The following NELFE variants were observed in gnomAD, a reference collection of about 807,000 sequenced individuals.
NELFE encodes the protein negative elongation factor complex member E.
In NELFE, 26 loss-of-function variants were observed where a neutral mutation model predicts 55.5. The observed-to-expected ratio is 0.47, with a 90% CI of 0.34 to 0.65. The LOEUF (loss-of-function observed/expected upper bound fraction) is 0.65, where lower values mean the gene tolerates loss of function less well. Ranked by LOEUF, NELFE falls within the 30% of genes least tolerant of loss-of-function variation. The pLI, the probability that NELFE is intolerant of heterozygous loss-of-function variation, is 0.01. For synonymous variants in NELFE, 162 were observed against 178.0 expected (o/e 0.91, Z 0.72); for missense variants, 403 against 506.9 (o/e 0.80, Z 1.97).
intron 4 of NELFE, among the ~76,000 whole-genome samples, chr6:31,956,194 G>A (rs917694632): frequency 6.6e-6 from 1 of 152,214 alleles, no homozygotes; most frequent in African/African-American, 2.4e-5. Flanking sequence ...CTCCCAAAGT[G>A]CTGGGATTAC....
Position 31,954,202 on chromosome 6 carries a change from A to G in NELFE, c.888-68T>C. On this transcript the variant is annotated intron_variant, in intron 8 of 10. Coordinates refer to ENST00000375429, the MANE Select transcript of NELFE (RefSeq NM_002904.6). The surrounding 1 kb of genome is among the most constrained non-coding windows in gnomAD (Gnocchi z 5.5). Reference sequence around the variant, plus strand: ...CTTCTGGACCCAACCAAACCCAGTGATAATAGGCGGCTGCAGGGAGGGCAG... The same window carrying G: ...CTTCTGGACCCAACCAAACCCAGTGGTAATAGGCGGCTGCAGGGAGGGCAG... 6.2e-7 allele frequency: 1 copy of G among 1,610,782 alleles called. No individual in the cohort carries two copies. Among genetic ancestry groups the G allele is most frequent in the Non-Finnish European group, 8.5e-7 (1 of 1,177,208 alleles).
rs1582159561 is a variant in NELFE, at chr6:31,958,352, G to A, written c.75+20C>T. The A allele has an allele frequency of 1.2e-6, 2 of 1,609,042 alleles. No homozygotes were observed. The highest frequency in any genetic ancestry group is 1.7e-6 in the Non-Finnish European group (2 of 1,176,338). ...CAGAGTCTGTGAAAGGTTAGGCCAT[G>A]TCCACACACAGTCCCTCACCTTTTT... On this transcript the variant is annotated intron_variant, in intron 2 of 10. Coordinates refer to ENST00000375429, the MANE Select transcript of NELFE (RefSeq NM_002904.6).
At chr6:31,956,560 T>C in intron 4 of NELFE, 133 bp downstream of exon 4, 3 of 968,392 alleles carry the variant, frequency 3.1e-6, no homozygotes, top group South Asian at 3.7e-5. Flanking sequence ...GTTTTTTCAT[T>C]TTATACATGA....
chr6:31,954,031 C>T lies in NELFE; in HGVS notation c.942+49G>A, dbSNP rs1771916078. On this transcript the variant is annotated intron_variant, in intron 9 of 10. Coordinates refer to ENST00000375429, the MANE Select transcript of NELFE (RefSeq NM_002904.6). This position sits in a 1 kb window ranked among gnomAD's most constrained non-coding sequence, Gnocchi z 5.5. ...GGCATCTAGTATTTTGAGGAGAACA[C>T]ATGAGAACAGCAGAAGCGATGGGAA... 1.3e-6 allele frequency: 2 copies of T among 1,594,710 alleles called. No homozygotes were observed. The highest frequency in any genetic ancestry group is 1.7e-5 in the Admixed American group (1 of 59,492).
chr6:31,955,234 A>T lies in NELFE; in HGVS notation c.351T>A (p.Asp117Glu), dbSNP rs772330620. ...GAGCCTTTACCTCTTGCAGGTCATC[A>T]TCAGCAGATATGCTCCTCTGGAACG... ...FQPFQRSISADDDLQESSRRP... is the reference protein window; with the variant it reads ...FQPFQRSISAEDDLQESSRRP... Residue 117 changes from aspartate to glutamate, a missense_variant, in exon 5 of 11, where the codon GAT becomes GAA. Around this residue, in one of 3 missense-constraint regions of NELFE, gnomAD observed 97 missense variants for 155.3 expected, o/e 0.62. Transcript: ENST00000375429. The T allele has an allele frequency of 7.5e-6, 12 of 1,607,824 alleles. No homozygotes were observed. The highest frequency in any genetic ancestry group is 1.0e-5 in the Non-Finnish European group (12 of 1,177,416).
intron 1 of NELFE, chr6:31,958,671 C>G: frequency 1.4e-6 from 1 of 703,440 alleles, no homozygotes; most frequent in Non-Finnish European, 2.6e-6. Context: ...ACACCAGCAC[C>G]TTTAGGTACC....
At chr6:31,952,710 T>C (rs188050608) in intron 10 of NELFE, among the ~76,000 whole-genome samples, 63 of 152,400 alleles carry the variant, frequency 4.1e-4, no homozygotes, top group African/African-American at 1.1e-3. Context: ...AGAAAACCTC[T>C]GTAGCCCTTT....
chr6:31,952,224 T>A lies in NELFE; in HGVS notation c.*77A>T. On this transcript the variant is annotated 3_prime_UTR_variant, in exon 11 of 11. Coordinates refer to ENST00000375429, the MANE Select transcript of NELFE (RefSeq NM_002904.6). ...CTGAAAAACCAGAGGCTGAGGGAGATGTGTAAGCTTCCACCTCAGTGTTTT... is the reference window on the plus strand; with the variant it reads ...CTGAAAAACCAGAGGCTGAGGGAGAAGTGTAAGCTTCCACCTCAGTGTTTT... 7.1e-7 allele frequency: 1 copy of A among 1,417,022 alleles called. No homozygotes were observed. The highest frequency in any genetic ancestry group is 1.2e-5 in the South Asian group (1 of 82,862). The allele number at this position is 1,417,022 out of a possible 1,614,324, so 87.8% of individuals were successfully genotyped here.
chr6:31,952,482 T>C (rs1201253170), intron 10 of NELFE, 84 bp from the exon 11 acceptor site: 4 of 941,754 alleles, frequency 4.2e-6, no homozygotes, highest in Non-Finnish European at 4.8e-6. Flanking sequence ...ACCTCACTCC[T>C]GGCCACTGGC....
chr6:31,956,869 T>C (rs1298219188), intron 3 of NELFE, 31 bp from the exon 4 acceptor site: 1 of 1,612,956 alleles, frequency 6.2e-7, no homozygotes, highest in Non-Finnish European at 8.5e-7. Flanking sequence ...GGCATTATGT[T>C]GGCCAAGCCA....
At chr6:31,955,447 T>C (rs1024425184) in intron 4 of NELFE, among the ~76,000 whole-genome samples, 154 bp from the exon 5 acceptor site, 17 of 146,546 alleles carry the variant, frequency 1.2e-4, no homozygotes, top group Non-Finnish European at 2.5e-4. Flanking sequence ...TGGTTTTACT[T>C]ATTTTTTTTT....
Position 31,952,414 on chromosome 6 carries a change from AG to A in NELFE, c.1046-17del. 1 of 1,588,008 alleles carries A rather than the reference AG, an allele frequency of 6.3e-7. No individual in the cohort carries two copies. The highest frequency in any genetic ancestry group is 8.6e-7 in the Non-Finnish European group (1 of 1,156,904). ...TTCTGGACAGCTAGGGAGGGAGGAG[AG>A]GAACAGTTAAGGTCTAAAGGAGATC... is the stretch of plus-strand genomic sequence containing the variant. On this transcript the variant is annotated splice_polypyrimidine_tract_variant and intron_variant, in intron 10 of 10. Transcript: ENST00000375429.
rs1332746461 is a variant in NELFE, at chr6:31,958,939, G to C, written c.-56C>G. On this transcript the variant is annotated 5_prime_UTR_variant, in exon 1 of 11. Transcript: ENST00000375429. ...CCCCACGGTCTCCGGCCGCGCCCGC[G>C]CTGGCCGCTGATAGCGGGCTCACAA... The C allele has an allele frequency of 6.7e-6, 4 of 595,268 alleles. No individual in the cohort carries two copies. Among genetic ancestry groups the C allele is most frequent in the African/African-American group, 5.6e-5 (3 of 53,686 alleles). The allele number at this position is 595,268 out of a possible 1,614,324, so 36.9% of individuals were successfully genotyped here. A position where few individuals can be genotyped will look rare whatever the true frequency, so the allele number is the denominator to read the frequency against.
intron 4 of NELFE, 91 bp from the exon 5 acceptor site, chr6:31,955,384 T>C: frequency 2.4e-6 from 2 of 833,782 alleles, no homozygotes; most frequent in Non-Finnish European, 3.7e-6. Flanking sequence ...CTCTTCTAGG[T>C]TTCCTCTGAT....
chr6:31,954,803 C>A lies in NELFE; in HGVS notation c.494G>T (p.Ser165Ile). Reference protein sequence around the residue: ...GPGAGDGPPRSFDWGYEERSG... With the variant: ...GPGAGDGPPRIFDWGYEERSG... ...GCGTTCTTCATAGCCCCAGTCAAAGCTTCGAGGGGGACCATCACCAGCCCC... is the reference window on the plus strand; with the variant it reads ...GCGTTCTTCATAGCCCCAGTCAAAGATTCGAGGGGGACCATCACCAGCCCC... The change falls in exon 7 of 11, where the codon AGC becomes ATC. Residue 165 changes from serine (S) to isoleucine (I), a missense_variant. Physicochemically the swap from Ser to Ile is moderately radical, Grantham distance 142. Coordinates refer to ENST00000375429, the MANE Select transcript of NELFE (RefSeq NM_002904.6). The surrounding 1 kb of genome is among the most constrained non-coding windows in gnomAD (Gnocchi z 5.5). 6.2e-7 allele frequency: 1 copy of A among 1,605,948 alleles called. No individual in the cohort carries two copies.
intron 4 of NELFE, among the ~76,000 whole-genome samples, chr6:31,956,440 A>G (rs1218379390): frequency 6.6e-6 from 1 of 152,220 alleles, no homozygotes; most frequent in Non-Finnish European, 1.5e-5. Flanking sequence ...CTTGAACCTG[A>G]TAACATTTTC....
chr6:31,953,656 C>T, intron 10 of NELFE, 73 bp downstream of exon 10: 1 of 1,303,924 alleles, frequency 7.7e-7, no homozygotes, highest in African/African-American at 1.4e-5. Flanking sequence ...CTAGGAAACC[C>T]AAGGATGTGT....
At position 31,958,927 on chromosome 6, in the gene NELFE, G is replaced by A. The variant is rs887626876; in HGVS notation, c.-44C>T. The A allele has an allele frequency of 1.2e-5, 7 of 594,728 alleles. No individual in the cohort carries two copies. The highest frequency in any genetic ancestry group is 6.2e-5 in the Admixed American group (2 of 32,188). The allele number at this position is 594,728 out of a possible 1,614,324, so 36.8% of individuals were successfully genotyped here. On this transcript the variant is annotated 5_prime_UTR_variant, in exon 1 of 11. Coordinates refer to ENST00000375429, the MANE Select transcript of NELFE (RefSeq NM_002904.6). ...GGCAACCGGGGGCCCCACGGTCTCCGGCCGCGCCCGCGCTGGCCGCTGATA... is the reference window on the plus strand; with the variant it reads ...GGCAACCGGGGGCCCCACGGTCTCCAGCCGCGCCCGCGCTGGCCGCTGATA...
chr6:31,958,339 AAGGTT>A, intron 2 of NELFE, 28 bp downstream of exon 2: 1 of 1,599,282 alleles, frequency 6.3e-7, no homozygotes, highest in Non-Finnish European at 8.6e-7. Context: ...GAGTCTGTGA[AAGGTT>A]AGGCCATGTC....
Sources: allele counts gnomAD v4.1 joint callset (sites outside exome capture counted in the v4.1 genomes callset), GRCh38; gene constraint gnomAD v4.1.1; regional missense constraint gnomAD v4.1.1; non-coding constraint Gnocchi (gnomAD v3.1); transcripts MANE v1.5; gene names NCBI Gene and HGNC (gene_info 2026-07-23, HGNC 2026-07-21).